The following SRGAP3 variants were observed in gnomAD, a reference collection of about 807,000 sequenced individuals.
The protein encoded by SRGAP3 is SLIT-ROBO Rho GTPase activating protein 3, also known as SLIT-ROBO Rho GTPase-activating protein 3.
SRGAP3 carries 39 observed loss-of-function variants against 121.1 expected under a neutral mutation model. The ratio of observed to expected loss-of-function variants is 0.32; its 90% confidence interval spans 0.25 to 0.42. The LOEUF is 0.42. Among genes scored for constraint, SRGAP3 ranks in the 10% least tolerant of loss-of-function variants. SRGAP3 has a pLI of 1.00. For missense variants in SRGAP3, 1,213 were observed against 1,470.6 expected (o/e 0.82, Z 2.86); for synonymous variants, 601 against 570.0 (o/e 1.05, Z -0.77).
chr3:9,037,787 C>T (rs944476063), intron 11 of SRGAP3: 9 of 553,368 alleles, frequency 1.6e-5, no homozygotes, highest in African/African-American at 5.7e-5. Context: ...CTGTCTCACC[C>T]GATGGCCAGC....
At chr3:9,362,834 G>A (rs2030975655) in intron 1 of SRGAP3, 1 of 152,168 alleles carries the variant, frequency 6.6e-6, no homozygotes, top group African/African-American at 2.4e-5. Flanking sequence ...CATGTGAAGC[G>A]CTTACCCAGT....
chr3:9,341,884 T>A (rs530195424), intron 1 of SRGAP3, among the ~76,000 whole-genome samples: 7 of 152,266 alleles, frequency 4.6e-5, no homozygotes, highest in Non-Finnish European at 8.8e-5. Context: ...TCTTCACCAG[T>A]CGGTAAGGCC....
At chr3:9,341,947 CAT>C (rs1415738209) in intron 1 of SRGAP3, among the ~76,000 whole-genome samples, 2 of 152,184 alleles carry the variant, frequency 1.3e-5, no homozygotes, top group Admixed American at 6.5e-5. Context: ...ATCACTGACT[CAT>C]AGAATCATCT....
chr3:9,254,873 GA>G (rs1454713702), intron 3 of SRGAP3, among the ~76,000 whole-genome samples: 1 of 147,602 alleles, frequency 6.8e-6, no homozygotes, highest in Non-Finnish European at 1.5e-5. Flanking sequence ...GAGAGAGAGA[GA>G]AAGAGAGAGA....
At chr3:9,134,700 T>C (rs1016133821) in intron 1 of SRGAP3, among the ~76,000 whole-genome samples, 9 of 152,094 alleles carry the variant, frequency 5.9e-5, no homozygotes, top group Admixed American at 2.0e-4. Context: ...TCAAGGATCA[T>C]GTCCTGTTGT....
chr3:9,137,783 T>C (rs1949718766), intron 1 of SRGAP3, among the ~76,000 whole-genome samples: 2 of 152,188 alleles, frequency 1.3e-5, no homozygotes, highest in South Asian at 4.1e-4. Context: ...ATCTGTGCTG[T>C]GTCCAAATAA....
chr3:9,199,514 C>T (rs1304718974), intron 1 of SRGAP3, among the ~76,000 whole-genome samples: 2 of 152,126 alleles, frequency 1.3e-5, no homozygotes, highest in Non-Finnish European at 2.9e-5. Flanking sequence ...CAATACTTTC[C>T]ATGTGGCTCT....
chr3:9,243,322 G>C (rs1953712348), intron 1 of SRGAP3, among the ~76,000 whole-genome samples: 1 of 151,966 alleles, frequency 6.6e-6, no homozygotes, highest in Non-Finnish European at 1.5e-5. Context: ...GGAGGGGAAG[G>C]GTATGGAGGA....
In SRGAP3 at chr3:9,097,710, A is replaced by T. The variant is rs917284130; in HGVS notation, c.423+6970T>A. 2.0e-5 allele frequency among the ~76,000 whole-genome samples: 3 copies of T among 152,196 alleles called. No homozygotes were observed. The East Asian group carries it at 5.8e-4, about 29-fold the overall frequency. On this transcript the variant is annotated intron_variant, in intron 3 of 21. Transcript: ENST00000383836. ...GAAAGTGCTGCCAATGGACTCCCTC[A>T]GATGTCAGCTGCTTTGGAACTGCCT...
intron 1 of SRGAP3, among the ~76,000 whole-genome samples, chr3:9,182,933 C>T (rs901381492): frequency 1.3e-5 from 2 of 152,120 alleles, no homozygotes; most frequent in Admixed American, 6.5e-5. Context: ...GCTGGGAGTA[C>T]AGGCGAGAGC....
At chr3:9,351,802 A>T (rs977746471) in intron 1 of SRGAP3, among the ~76,000 whole-genome samples, 1 of 152,210 alleles carries the variant, frequency 6.6e-6, no homozygotes, top group African/African-American at 2.4e-5. Flanking sequence ...GTGTTGTCAA[A>T]TTATACCCCC....
intron 3 of SRGAP3, among the ~76,000 whole-genome samples, 174 bp downstream of exon 3, chr3:9,104,506 G>A (rs539294907): frequency 1.3e-5 from 2 of 152,330 alleles, no homozygotes; most frequent in African/African-American, 2.4e-5. Context: ...GGCACATCCA[G>A]GGTTCAAATG....
At chr3:9,068,433 A>G (rs1946530108) in intron 4 of SRGAP3, among the ~76,000 whole-genome samples, 1 of 152,132 alleles carries the variant, frequency 6.6e-6, no homozygotes, top group African/African-American at 2.4e-5. Flanking sequence ...AACTTCCCAG[A>G]CAGCCTCTAA....
At chr3:9,024,069 T>A (rs936306196) in intron 14 of SRGAP3, among the ~76,000 whole-genome samples, 3 of 151,850 alleles carry the variant, frequency 2.0e-5, no homozygotes, top group African/African-American at 7.3e-5. Flanking sequence ...AGGTAATAAG[T>A]AGGAAGAATT....
intron 1 of SRGAP3, 56 bp downstream of exon 1, chr3:9,248,829 A>C (rs907119779): frequency 1.3e-6 from 2 of 1,569,704 alleles, no homozygotes; most frequent in Non-Finnish European, 1.8e-6. Flanking sequence ...TGGGAACCAG[A>C]ACAAGAGAAA....
At chr3:9,031,326 C>A (rs532022983) in intron 12 of SRGAP3, among the ~76,000 whole-genome samples, 2 of 152,290 alleles carry the variant, frequency 1.3e-5, no homozygotes, top group South Asian at 4.1e-4. Context: ...AGGATGGAGA[C>A]AGAGGATTCC....
At chr3:9,262,551 A>AAAAAAAAAAAC (rs1333566014) in intron 3 of SRGAP3, among the ~76,000 whole-genome samples, 1 of 149,032 alleles carries the variant, frequency 6.7e-6, no homozygotes, top group Non-Finnish European at 1.5e-5. Context: ...AAAAAAAAAA[A>AAAAAAAAAAAC]AAAAAGCAGT....
chr3:9,328,250 T>C (rs1474063566), intron 2 of SRGAP3, among the ~76,000 whole-genome samples: 2 of 152,214 alleles, frequency 1.3e-5, no homozygotes, highest in Non-Finnish European at 2.9e-5. Flanking sequence ...AGAGCTCTTT[T>C]ATATAAACAT....
chr3:9,244,775 G>A (rs1458022351), intron 1 of SRGAP3, among the ~76,000 whole-genome samples: 1 of 152,180 alleles, frequency 6.6e-6, no homozygotes, highest in Non-Finnish European at 1.5e-5. Flanking sequence ...ATTTGTTAAG[G>A]ACACTTATGA....
Sources: gnomAD v4.1 joint callset for allele counts (sites outside exome capture counted in the v4.1 genomes callset) on GRCh38, gnomAD v4.1.1 for gene constraint, MANE v1.5 for transcripts, NCBI Gene and HGNC (gene_info 2026-07-23, HGNC 2026-07-21) for gene names.